The following GLMN variants were observed in gnomAD, a reference collection of about 807,000 sequenced individuals.
GLMN encodes glomulin.
A neutral mutation model predicts 87.8 loss-of-function variants in GLMN; 75 were observed. The observed-to-expected ratio is 0.85, with a 90% CI of 0.71 to 1.04. The LOEUF is 1.04. Among genes scored for constraint, GLMN ranks in the 50% least tolerant of loss-of-function variants. GLMN has a pLI of 0.00. For synonymous variants in GLMN, 206 were observed against 221.6 expected (o/e 0.93, Z 0.63); for missense variants, 588 against 658.8 (o/e 0.89, Z 1.18).
chr1:92,367,743 CTTTCTGGTGACAT>C, the GLMN span, among the ~76,000 whole-genome samples: 1 of 152,164 alleles, frequency 6.6e-6, no homozygotes, highest in African/African-American at 2.4e-5. Context: ...GAGAAGCATG[CTTTCTGGTGACAT>C]TTTATTCACA....
intron 9 of GLMN, among the ~76,000 whole-genome samples, chr1:92,268,915 C>CTTTT (rs10706669): frequency 5.0e-5 from 6 of 120,478 alleles, no homozygotes; most frequent in Non-Finnish European, 7.0e-5. Context: ...CTGTAATTTC[C>CTTTT]TTTTTTTTTT....
the GLMN span, among the ~76,000 whole-genome samples, chr1:92,312,303 G>T: frequency 6.6e-6 from 1 of 151,954 alleles, no homozygotes; most frequent in African/African-American, 2.4e-5. Context: ...TGTAGTCCTT[G>T]TAGCTACTTG....
intron 13 of GLMN, among the ~76,000 whole-genome samples, chr1:92,266,071 A>T (rs1655600107): frequency 6.6e-6 from 1 of 152,220 alleles, no homozygotes; most frequent in African/African-American, 2.4e-5. Flanking sequence ...AGAGCCATCA[A>T]TTTGAACTGT....
chr1:92,290,209 G>C lies in GLMN; in HGVS notation c.383C>G (p.Pro128Arg), dbSNP rs781713538. Residue 128 changes from proline (P) to arginine (R), a missense_variant, in exon 5 of 19, where the codon CCA becomes CGA. By Grantham distance (103) the Pro-to-Arg change is moderately radical (BLOSUM62 -2). Transcript: ENST00000370360. ...ISQSILLLLQ[P>R]LQTVIQKLHN... ...AAAATTCTCATTACCTGTTTGTAAT[G>C]GCTGAAGCAAAAGAAGAATACTTTG... 23 of 1,583,442 alleles carry C rather than the reference G, an allele frequency of 1.5e-5. No homozygotes were observed. The highest frequency in any genetic ancestry group is 1.7e-4 in the Middle Eastern group (1 of 6,038).
upstream of GLMN, among the ~76,000 whole-genome samples, chr1:92,301,051 G>A (rs1048077037): frequency 1.3e-5 from 2 of 152,230 alleles, no homozygotes; most frequent in African/African-American, 4.8e-5. Flanking sequence ...TGAGTTTTCA[G>A]CGAAAGCCTT....
At chr1:92,284,983 T>C (rs1397530063) in intron 7 of GLMN, among the ~76,000 whole-genome samples, 3 of 152,108 alleles carry the variant, frequency 2.0e-5, no homozygotes, top group African/African-American at 7.2e-5. Flanking sequence ...GGAGAGGATG[T>C]GGAGAAATAG....
the GLMN span, among the ~76,000 whole-genome samples, chr1:92,370,701 C>CT: frequency 6.6e-6 from 1 of 151,436 alleles, no homozygotes; most frequent in South Asian, 2.1e-4. Context: ...TTTGGTGAGA[C>CT]TTTAAAAAAA....
chr1:92,258,512 A>C (rs1355050622), intron 16 of GLMN, among the ~76,000 whole-genome samples: 1 of 152,252 alleles, frequency 6.6e-6, no homozygotes, highest in African/African-American at 2.4e-5. Context: ...CCAAATGCCC[A>C]TCAATGATAG....
the GLMN span, among the ~76,000 whole-genome samples, chr1:92,352,073 C>A: frequency 6.6e-6 from 1 of 152,092 alleles, no homozygotes; most frequent in African/African-American, 2.4e-5. Context: ...ACATGCTATT[C>A]CTAGTTCTAT....
intron 3 of GLMN, among the ~76,000 whole-genome samples, chr1:92,296,924 A>G (rs762575767): frequency 4.6e-5 from 7 of 152,176 alleles, no homozygotes; most frequent in Non-Finnish European, 8.8e-5. Flanking sequence ...CTTGATATGT[A>G]TATTTCTCAT....
the GLMN span, among the ~76,000 whole-genome samples, chr1:92,356,585 A>ATTG: frequency 0.041 from 2,129 of 51,744 alleles, 82 homozygotes; most frequent in East Asian, 0.23. Flanking sequence ...CTCCTGGCTA[A>ATTG]TTTTTTTTTT....
chr1:92,301,412 T>C, upstream of GLMN: 2 of 835,070 alleles, frequency 2.4e-6, no homozygotes, highest in South Asian at 3.3e-5. Flanking sequence ...AGTATTGTAT[T>C]TTAAAACATG....
intron 16 of GLMN, among the ~76,000 whole-genome samples, chr1:92,257,484 T>C (rs1481775021): frequency 2.0e-5 from 3 of 152,206 alleles, no homozygotes; most frequent in Non-Finnish European, 2.9e-5. Flanking sequence ...TCATGCTACC[T>C]GACTTCAAAC....
the GLMN span, among the ~76,000 whole-genome samples, chr1:92,331,723 T>A: frequency 2.0e-5 from 3 of 152,180 alleles, no homozygotes; most frequent in Non-Finnish European, 4.4e-5. Context: ...ATTTATTCAA[T>A]TAATTACTCT....
At chr1:92,253,399 C>T (rs568423565) in intron 16 of GLMN, among the ~76,000 whole-genome samples, 15 of 152,342 alleles carry the variant, frequency 9.8e-5, no homozygotes, top group Non-Finnish European at 1.9e-4. Context: ...GATCTCTCAG[C>T]ACAGCGCTTG....
the GLMN span, chr1:92,324,369 A>G: frequency 1.2e-6 from 2 of 1,611,168 alleles, no homozygotes; most frequent in Non-Finnish European, 8.5e-7. Context: ...CACAAGACTC[A>G]GAAGAGGTAT....
intron 16 of GLMN, among the ~76,000 whole-genome samples, chr1:92,249,337 ATTG>A (rs1179997898): frequency 6.6e-6 from 1 of 150,768 alleles, no homozygotes; most frequent in African/African-American, 2.4e-5. Context: ...TAATTTTTAA[ATTG>A]TTAAGTGGAA....
chr1:92,262,804 G>GAAAC (rs1368865901), intron 16 of GLMN, 59 bp downstream of exon 16: 1 of 773,104 alleles, frequency 1.3e-6, no homozygotes, highest in African/African-American at 1.7e-5. Context: ...CTGAATATCT[G>GAAAC]AAACATTCCT....
intron 16 of GLMN, among the ~76,000 whole-genome samples, chr1:92,260,765 GAAAAA>G (rs765865353): frequency 0.018 from 1,826 of 100,052 alleles, 52 homozygotes; most frequent in African/African-American, 0.064. Context: ...CTTTGAGATG[GAAAAA>G]AAAAAAAAAA....
Sources: allele counts gnomAD v4.1 joint callset (sites outside exome capture counted in the v4.1 genomes callset), GRCh38; gene constraint gnomAD v4.1.1; transcripts MANE v1.5; gene names NCBI Gene and HGNC (gene_info 2026-07-23, HGNC 2026-07-21).